SYN3: variants seen among roughly 807,000 people sequenced by gnomAD.
The protein encoded by SYN3 is synapsin-3.
A neutral mutation model predicts 65.8 loss-of-function variants in SYN3; 35 were observed. The ratio of observed to expected loss-of-function variants is 0.53; its 90% CI spans 0.41 to 0.70. The LOEUF (loss-of-function observed/expected upper bound fraction) is 0.70, where lower values mean the gene tolerates loss of function less well. Ranked by LOEUF, SYN3 falls within the 30% of genes least tolerant of loss-of-function variation. SYN3 has a pLI of 0.00. For synonymous variants in SYN3, 270 were observed against 292.9 expected (o/e 0.92, Z 0.80); for missense variants, 680 against 749.0 (o/e 0.91, Z 1.08).
At chr22:32,990,407 G>GCCAGCCAT (rs1338759821) in intron 2 of SYN3, among the ~76,000 whole-genome samples, 2,430 of 144,730 alleles carry the variant, frequency 0.017, 52 homozygotes, top group Non-Finnish European at 0.026. Context: ...CATCCATCCA[G>GCCAGCCAT]CCATCCATCC....
intron 6 of SYN3, among the ~76,000 whole-genome samples, chr22:32,851,397 C>G (rs1386275151): frequency 6.6e-6 from 1 of 152,076 alleles, no homozygotes; most frequent in African/African-American, 2.4e-5. Flanking sequence ...ACATAATGTC[C>G]CATTCCCCCT....
At chr22:32,617,493 G>C (rs1249103736) in intron 6 of SYN3, among the ~76,000 whole-genome samples, 1 of 149,088 alleles carries the variant, frequency 6.7e-6, no homozygotes, top group Non-Finnish European at 1.5e-5. Context: ...TTTTTTTAAA[G>C]AGAGAGAGCC....
intron 6 of SYN3, among the ~76,000 whole-genome samples, chr22:32,807,419 T>G (rs2046793986): frequency 8.3e-6 from 1 of 120,954 alleles, no homozygotes; most frequent in African/African-American, 3.1e-5. Flanking sequence ...TATTTACATA[T>G]ATATTATATA....
chr22:32,731,010 G>A (rs1024662790), intron 6 of SYN3, among the ~76,000 whole-genome samples: 2 of 152,138 alleles, frequency 1.3e-5, no homozygotes, highest in African/African-American at 4.8e-5. Context: ...CGGTCCCAGA[G>A]TCCCTGTGCT....
chr22:32,701,637 A>T (rs911670838), intron 6 of SYN3, among the ~76,000 whole-genome samples: 2 of 152,228 alleles, frequency 1.3e-5, no homozygotes, highest in African/African-American at 4.8e-5. Flanking sequence ...TAATATCTGA[A>T]ATGAAAAATA....
At chr22:32,945,033 A>G (rs575988915) in intron 3 of SYN3, among the ~76,000 whole-genome samples, 36 of 152,306 alleles carry the variant, frequency 2.4e-4, no homozygotes, top group African/African-American at 8.7e-4. Context: ...TGCTCAACGA[A>G]ATAAAGGAGG....
At chr22:32,757,059 A>T (rs11089593) in intron 6 of SYN3, among the ~76,000 whole-genome samples, 3 of 149,860 alleles carry the variant, frequency 2.0e-5, no homozygotes, top group African/African-American at 4.9e-5. Flanking sequence ...CTTTTTTTTG[A>T]GGGGGGGTGG....
chr22:33,012,363 AAC>A (rs759178679), intron 1 of SYN3, among the ~76,000 whole-genome samples: 15 of 152,194 alleles, frequency 9.9e-5, no homozygotes, highest in Non-Finnish European at 1.8e-4. Context: ...GTGATTCTTG[AAC>A]ACAGTCTATA....
intron 7 of SYN3, among the ~76,000 whole-genome samples, chr22:32,594,171 G>A (rs1293180372): frequency 6.6e-6 from 1 of 152,020 alleles, no homozygotes; most frequent in Non-Finnish European, 1.5e-5. Flanking sequence ...ATAGGATGAT[G>A]GTTAAAGAGG....
At position 32,528,981 on chromosome 22, in the gene SYN3, C is replaced by G. The variant is rs756972490; in HGVS notation, c.1123G>C (p.Gly375Arg). 74 of 1,613,978 alleles carry G rather than the reference C, an allele frequency of 4.6e-5. No individual in the cohort carries two copies. The highest frequency in any genetic ancestry group is 1.1e-4 in the South Asian group (10 of 91,088). ...TGTCTGTCCTCTTCCACATGCTCTC[C>G]AATCAGCGGCATTGAGCTGTCCATT... is the stretch of plus-strand genomic sequence containing the variant. ...EVMDSSMPLIGEHVEEDRQLM... is the reference protein window; with the variant it reads ...EVMDSSMPLIREHVEEDRQLM... Residue 375 changes from glycine (G) to arginine (R), a missense_variant, in exon 11 of 14, where the codon GGA (glycine) becomes CGA (arginine). Physicochemically the swap from Gly to Arg is moderately radical, Grantham distance 125. Coordinates refer to ENST00000358763, the MANE Select transcript of SYN3 (RefSeq NM_003490.4).
intron 3 of SYN3, among the ~76,000 whole-genome samples, chr22:32,976,512 C>T (rs925456142): frequency 2.0e-5 from 3 of 152,140 alleles, no homozygotes; most frequent in Non-Finnish European, 4.4e-5. Flanking sequence ...ATTCATCAAC[C>T]TCACTGCTTG....
intron 5 of SYN3, 33 bp from the exon 6 acceptor site, chr22:32,865,037 T>C (rs2146326685): frequency 6.4e-7 from 1 of 1,554,798 alleles, no homozygotes; most frequent in Non-Finnish European, 8.9e-7. Flanking sequence ...ATTGATCAAC[T>C]ATTGTCACCC....
At chr22:33,023,465 T>C (rs2053591405) in intron 1 of SYN3, among the ~76,000 whole-genome samples, 1 of 152,204 alleles carries the variant, frequency 6.6e-6, no homozygotes, top group Non-Finnish European at 1.5e-5. Context: ...AACTGGAAGT[T>C]CATTAAACCC....
chr22:32,682,441 C>T (rs950181942), intron 6 of SYN3, among the ~76,000 whole-genome samples: 4 of 152,106 alleles, frequency 2.6e-5, no homozygotes, highest in Non-Finnish European at 5.9e-5. Context: ...AGGGAGGAAG[C>T]AGGGACACCA....
intron 6 of SYN3, among the ~76,000 whole-genome samples, chr22:32,752,997 G>A (rs1307464094): frequency 3.3e-5 from 5 of 152,172 alleles, no homozygotes; most frequent in Admixed American, 3.3e-4. Flanking sequence ...ACCACCAGAA[G>A]GGTCAGGGGT....
In SYN3 at chr22:32,597,111, C is replaced by T. The variant is rs557108461; in HGVS notation, c.712-375G>A. Among the ~76,000 whole-genome samples the T allele has an allele frequency of 5.2e-4, 79 of 151,074 alleles. No individual in the cohort carries two copies. In the South Asian group the frequency reaches 0.016, roughly 30 times the overall value. The stretch of plus-strand genomic sequence containing the variant: ...TGAAGACGATAATAATAGTATCCCA[C>T]GGGGTTGCTGTGAGGATTGAGTTAT... On this transcript the variant is annotated intron_variant, in intron 6 of 13. Coordinates refer to ENST00000358763, the MANE Select transcript of SYN3 (RefSeq NM_003490.4).
intron 3 of SYN3, among the ~76,000 whole-genome samples, chr22:32,936,306 T>C (rs2050774277): frequency 1.3e-5 from 2 of 152,162 alleles, no homozygotes; most frequent in Admixed American, 6.5e-5. Flanking sequence ...GGAACAAAAT[T>C]ATCCCTATGT....
intron 2 of SYN3, among the ~76,000 whole-genome samples, chr22:33,004,700 G>A (rs2053153711): frequency 6.6e-6 from 1 of 152,198 alleles, no homozygotes; most frequent in South Asian, 2.1e-4. Flanking sequence ...GATTTTACAG[G>A]CTTCTAAGAG....
At position 32,980,774 on chromosome 22, in the gene SYN3, C is replaced by T; in HGVS notation, c.312-72G>A. 4 of 1,416,352 alleles carry T rather than the reference C, an allele frequency of 2.8e-6. No homozygotes were observed. The South Asian group carries it at 4.6e-5, about 16-fold the overall frequency. The allele number at this position is 1,416,352 out of a possible 1,614,324, so 87.7% of individuals were successfully genotyped here. ...CTCTTTTCTCCCTTCTCCCAAAGGC[C>T]TTACCCCAGAGGTGCATATTGAGAC... On this transcript the variant is annotated intron_variant, in intron 2 of 13. Coordinates refer to ENST00000358763, the MANE Select transcript of SYN3 (RefSeq NM_003490.4).
Sources: allele counts gnomAD v4.1 joint callset (sites outside exome capture counted in the v4.1 genomes callset), GRCh38; gene constraint gnomAD v4.1.1; transcripts MANE v1.5; gene names NCBI Gene and HGNC (gene_info 2026-07-23, HGNC 2026-07-21).